The following NEGR1 variants were observed in gnomAD, a reference collection of about 807,000 sequenced individuals.
NEGR1 encodes IgLON family member 4.
NEGR1 carries 10 observed loss-of-function variants against 40.9 expected under a neutral mutation model. That is an observed-to-expected ratio of 0.24 (90% CI 0.15 to 0.42). NEGR1 has a LOEUF of 0.42. Among genes scored for constraint, NEGR1 ranks in the 10% least tolerant of loss-of-function variants. The pLI, the probability that NEGR1 is intolerant of heterozygous loss-of-function variation, is 1.00. For synonymous variants in NEGR1, 185 were observed against 166.8 expected, an observed-to-expected ratio of 1.11 and a Z score of -0.84; for missense variants, 352 against 438.9, an observed-to-expected ratio of 0.80 and a Z score of 1.77.
At chr1:71,895,647 A>G (rs1660950698) in intron 2 of NEGR1, among the ~76,000 whole-genome samples, 1 of 152,160 alleles carries the variant, frequency 6.6e-6, no homozygotes, top group Non-Finnish European at 1.5e-5. Flanking sequence ...CTTGTGGCCA[A>G]ATAATAGTCC....
chr1:72,127,250 G>A (rs1357794260), intron 1 of NEGR1, among the ~76,000 whole-genome samples: 4 of 151,922 alleles, frequency 2.6e-5, no homozygotes, highest in Admixed American at 2.6e-4. Context: ...AGATCACGAC[G>A]TCAGGAGATT....
At chr1:71,454,862 TC>T (rs1646661337) in intron 6 of NEGR1, among the ~76,000 whole-genome samples, 1 of 152,202 alleles carries the variant, frequency 6.6e-6, no homozygotes. Context: ...GAAGGTTTTA[TC>T]TTGCCTAGGA....
chr1:71,501,426 A>G (rs531030028), intron 6 of NEGR1, among the ~76,000 whole-genome samples: 15 of 152,308 alleles, frequency 9.8e-5, no homozygotes, highest in Non-Finnish European at 1.8e-4. Flanking sequence ...TGAAATATTG[A>G]TGATAGACCC....
At chr1:71,735,741 A>G (rs1341339662) in intron 3 of NEGR1, among the ~76,000 whole-genome samples, 1 of 152,048 alleles carries the variant, frequency 6.6e-6, no homozygotes, top group East Asian at 1.9e-4. Context: ...GATAAAATAT[A>G]CTTTTGAATG....
Position 71,928,051 on chromosome 1 carries a change from T to TGTATATACACATATATATATATACAC in NEGR1, c.409+7027_409+7028insGTGTATATATATATATGTGTATATAC, listed in dbSNP as rs1645795669. Among the ~76,000 whole-genome samples the TGTATATACACATATATATATATACAC allele has an allele frequency of 2.7e-5, 2 of 74,950 alleles. 1 individual carries two copies. Among genetic ancestry groups the TGTATATACACATATATATATATACAC allele is most frequent in the African/African-American group, 1.1e-4 (2 of 18,274 alleles). 49.2% of individuals were successfully genotyped at this position (74,950 alleles called of 152,430 possible). A position where few individuals can be genotyped will look rare whatever the true frequency, so the allele number is the denominator to read the frequency against. On this transcript the variant is annotated intron_variant, in intron 2 of 6. Coordinates refer to ENST00000357731, the MANE Select transcript of NEGR1 (RefSeq NM_173808.3). ...ATACACACACACACACACACACACGTATATATATACACACACACATATGTA... is the reference window on the plus strand; with the variant it reads ...ATACACACACACACACACACACACGTGTATATACACATATATATATATACACATATATATACACACACACATATGTA...
intron 3 of NEGR1, among the ~76,000 whole-genome samples, chr1:71,718,060 G>C (rs948432122): frequency 3.3e-5 from 5 of 152,068 alleles, no homozygotes; most frequent in African/African-American, 4.8e-5. Flanking sequence ...GTTTTGGTAG[G>C]CCTACCAAAT....
At chr1:71,499,311 T>G (rs1291667337) in intron 6 of NEGR1, among the ~76,000 whole-genome samples, 1 of 151,792 alleles carries the variant, frequency 6.6e-6, no homozygotes, top group African/African-American at 2.4e-5. Flanking sequence ...GCTTGAGGAT[T>G]GTGACTTATA....
rs138378238 is a variant in NEGR1, at chr1:71,946,831, T to C, written c.177-11520A>G. 1.3e-3 allele frequency among the ~76,000 whole-genome samples: 198 copies of C among 152,086 alleles called. 4 individuals carry two copies. In the East Asian group the frequency reaches 0.031, roughly 24 times the overall value. On this transcript the variant is annotated intron_variant, in intron 1 of 6. Coordinates refer to ENST00000357731, the MANE Select transcript of NEGR1 (RefSeq NM_173808.3). ...TATATGTATCCCACATTTTAATAAA[T>C]ATTTGTCCAGCACTTTGGAAGGCTG...
At position 71,731,692 on chromosome 1, in the gene NEGR1, G is replaced by GCTATTACC. The variant is rs1193393031; in HGVS notation, c.536-33561_536-33554dup. 1.2e-4 allele frequency among the ~76,000 whole-genome samples: 19 copies of GCTATTACC among 152,092 alleles called. 1 individual carries two copies. Among genetic ancestry groups the GCTATTACC allele is most frequent in the African/African-American group, 4.3e-4 (18 of 41,404 alleles). ...ACTGGACTTGCCGAAAGTGATCATT[G>GCTATTACC]CTATTACCTTCCTCTGCAGGAGAAG... On this transcript the variant is annotated intron_variant, in intron 3 of 6. Coordinates refer to ENST00000357731, the MANE Select transcript of NEGR1 (RefSeq NM_173808.3).
intron 1 of NEGR1, among the ~76,000 whole-genome samples, chr1:72,222,247 G>C (rs554521970): frequency 1.3e-5 from 2 of 152,082 alleles, no homozygotes; most frequent in Non-Finnish European, 2.9e-5. Context: ...GCCCACCCCT[G>C]CAAACCTAAA....
intron 1 of NEGR1, among the ~76,000 whole-genome samples, chr1:72,220,934 T>A (rs1570139230): frequency 7.1e-6 from 1 of 141,286 alleles, no homozygotes. Context: ...TTTTTTTTAA[T>A]AACAAAGAGC....
At chr1:71,600,235 G>A (rs1022259757) in intron 5 of NEGR1, among the ~76,000 whole-genome samples, 1 of 152,162 alleles carries the variant, frequency 6.6e-6, no homozygotes, top group African/African-American at 2.4e-5. Flanking sequence ...AGGCTATAAC[G>A]CAGTCTTCCA....
chr1:72,194,402 T>C (rs1652928775), intron 1 of NEGR1, among the ~76,000 whole-genome samples: 1 of 151,950 alleles, frequency 6.6e-6, no homozygotes, highest in South Asian at 2.1e-4. Flanking sequence ...GTCTCAAAAG[T>C]AAGAACATTT....
chr1:71,512,168 T>C (rs1647078179), intron 6 of NEGR1, among the ~76,000 whole-genome samples: 2 of 152,202 alleles, frequency 1.3e-5, no homozygotes. Context: ...GAATCAAGTG[T>C]TATGTTTTTA....
intron 1 of NEGR1, among the ~76,000 whole-genome samples, chr1:72,038,588 C>T (rs1031104890): frequency 9.2e-5 from 14 of 151,834 alleles, no homozygotes; most frequent in African/African-American, 2.4e-4. Context: ...AAAACATCAG[C>T]GTACAAAGAT....
chr1:71,792,521 G>C lies in NEGR1; in HGVS notation c.410-16224C>G, dbSNP rs1349068606. On this transcript the variant is annotated intron_variant, in intron 2 of 6. Transcript: ENST00000357731. Reference sequence around the variant, plus strand: ...ATCTCTGTATTGTTTTTCATTTCCAGAGATAGGATGACCACCTGCCTTTCC... The same window carrying C: ...ATCTCTGTATTGTTTTTCATTTCCACAGATAGGATGACCACCTGCCTTTCC... 3.3e-5 allele frequency among the ~76,000 whole-genome samples: 5 copies of C among 152,036 alleles called. No individual in the cohort carries two copies. In the East Asian group the frequency reaches 7.7e-4, roughly 23 times the overall value.
chr1:72,017,701 C>A (rs1347503214), intron 1 of NEGR1, among the ~76,000 whole-genome samples: 9 of 148,740 alleles, frequency 6.1e-5, no homozygotes, highest in Non-Finnish European at 1.3e-4. Flanking sequence ...AACTGGTTTT[C>A]TTTTAATTAG....
At chr1:72,004,170 T>C (rs1646581963) in intron 1 of NEGR1, among the ~76,000 whole-genome samples, 1 of 152,018 alleles carries the variant, frequency 6.6e-6, no homozygotes, top group Non-Finnish European at 1.5e-5. Flanking sequence ...TTTCATAATA[T>C]AATTAAAAGG....
intron 1 of NEGR1, among the ~76,000 whole-genome samples, chr1:72,008,584 C>T (rs112672718): frequency 1.9e-3 from 292 of 152,214 alleles, no homozygotes; most frequent in African/African-American, 6.7e-3. Flanking sequence ...GCCTGACACA[C>T]TTAATTGTTC....
Sources: allele counts gnomAD v4.1 joint callset (sites outside exome capture counted in the v4.1 genomes callset), GRCh38; gene constraint gnomAD v4.1.1; transcripts MANE v1.5; gene names NCBI Gene and HGNC (gene_info 2026-07-23, HGNC 2026-07-21).